Variants in PCDH9 observed in about 807,000 individuals in gnomAD.
PCDH9 encodes the protein protocadherin-9.
In PCDH9, 24 loss-of-function variants were observed where a neutral mutation model predicts 70.6. That is an observed-to-expected ratio of 0.34 (90% CI 0.25 to 0.48). The LOEUF (loss-of-function observed/expected upper bound fraction) is 0.48, where lower values mean the gene tolerates loss of function less well. PCDH9 is among the 20% of genes least tolerant of loss of function. The pLI is 0.99. For missense variants in PCDH9, 1,281 were observed against 1,503.6 expected, an observed-to-expected ratio of 0.85 and a Z score of 2.45; for synonymous variants, 562 against 558.5, an observed-to-expected ratio of 1.01 and a Z score of -0.09.
At chr13:66,339,108 C>G (rs1956084650) in intron 4 of PCDH9, among the ~76,000 whole-genome samples, 1 of 151,904 alleles carries the variant, frequency 6.6e-6, no homozygotes, top group Non-Finnish European at 1.5e-5. Flanking sequence ...CTATATTAGA[C>G]CAGAAGAGAG....
intron 2 of PCDH9, among the ~76,000 whole-genome samples, chr13:67,086,352 C>T (rs532273287): frequency 6.6e-6 from 1 of 152,178 alleles, no homozygotes; most frequent in African/African-American, 2.4e-5. Context: ...TACAGTTACA[C>T]AGCACAAACT....
chr13:67,095,157 T>C (rs1365090543), intron 2 of PCDH9, among the ~76,000 whole-genome samples: 2 of 152,172 alleles, frequency 1.3e-5, no homozygotes. Context: ...GCATTAGTCT[T>C]TGGATTGTGT....
chr13:67,040,166 T>A (rs961991374), intron 2 of PCDH9, among the ~76,000 whole-genome samples: 2 of 152,150 alleles, frequency 1.3e-5, no homozygotes, highest in Non-Finnish European at 2.9e-5. Flanking sequence ...GCCCCTTTAA[T>A]CAGTATTATG....
chr13:66,620,687 C>A (rs1407690421), intron 4 of PCDH9, among the ~76,000 whole-genome samples: 1 of 151,970 alleles, frequency 6.6e-6, no homozygotes, highest in African/African-American at 2.4e-5. Flanking sequence ...CTACAAAAAT[C>A]AGTGTTCCTT....
chr13:67,142,844 C>CAAAAA (rs34886805), intron 2 of PCDH9, among the ~76,000 whole-genome samples: 1 of 134,296 alleles, frequency 7.4e-6, no homozygotes, highest in African/African-American at 2.8e-5. Context: ...ACTAAAAATA[C>CAAAAA]AAAAAAAAAA....
intron 2 of PCDH9, among the ~76,000 whole-genome samples, chr13:67,094,320 CT>C (rs1225053845): frequency 1.3e-5 from 2 of 152,166 alleles, no homozygotes; most frequent in African/African-American, 4.8e-5. Flanking sequence ...CAGCAAAACC[CT>C]TCTTGCTGGT....
chr13:67,063,766 T>C (rs1006804415), intron 2 of PCDH9, among the ~76,000 whole-genome samples: 2 of 152,168 alleles, frequency 1.3e-5, no homozygotes, highest in Non-Finnish European at 2.9e-5. Flanking sequence ...TTTAATAGCT[T>C]ATTTATAGAA....
chr13:66,814,472 G>T (rs1433053824), intron 3 of PCDH9, among the ~76,000 whole-genome samples: 2 of 151,962 alleles, frequency 1.3e-5, no homozygotes, highest in Non-Finnish European at 2.9e-5. Context: ...TATTGTAAAG[G>T]GTTATAATTT....
intron 3 of PCDH9, among the ~76,000 whole-genome samples, chr13:66,657,344 C>T (rs986505933): frequency 1.3e-5 from 2 of 152,110 alleles, no homozygotes; most frequent in Non-Finnish European, 2.9e-5. Flanking sequence ...AACAGGGAGG[C>T]GCCTGGCATC....
chr13:66,681,767 G>T (rs185701661), intron 3 of PCDH9, among the ~76,000 whole-genome samples: 67 of 151,978 alleles, frequency 4.4e-4, no homozygotes, highest in Middle Eastern at 3.4e-3. Flanking sequence ...CATCTCTGCT[G>T]TAACAGTTTG....
At chr13:67,089,761 C>A (rs1199499091) in intron 2 of PCDH9, among the ~76,000 whole-genome samples, 2 of 151,968 alleles carry the variant, frequency 1.3e-5, no homozygotes, top group Non-Finnish European at 2.9e-5. Context: ...CTTACGTTCA[C>A]CTGCATTTCA....
chr13:66,722,598 T>C (rs1213811248), intron 3 of PCDH9, among the ~76,000 whole-genome samples: 1 of 152,134 alleles, frequency 6.6e-6, no homozygotes, highest in African/African-American at 2.4e-5. Flanking sequence ...GAGTGTCTGC[T>C]GATCTTTTGA....
chr13:66,989,271 C>T (rs1292771351), intron 2 of PCDH9, among the ~76,000 whole-genome samples: 1 of 151,828 alleles, frequency 6.6e-6, no homozygotes, highest in Non-Finnish European at 1.5e-5. Flanking sequence ...ATGGTTATCA[C>T]TCATTAAATT....
chr13:67,077,127 C>A (rs2085893183), intron 2 of PCDH9, among the ~76,000 whole-genome samples: 1 of 152,102 alleles, frequency 6.6e-6, no homozygotes, highest in South Asian at 2.1e-4. Flanking sequence ...CAAAAAATGA[C>A]CTTTAATTTT....
At chr13:66,505,108 G>T (rs1959197590) in intron 4 of PCDH9, among the ~76,000 whole-genome samples, 1 of 151,924 alleles carries the variant, frequency 6.6e-6, no homozygotes, top group Non-Finnish European at 1.5e-5. Flanking sequence ...ATTTCTCTAG[G>T]ACACTCTTCC....
intron 3 of PCDH9, among the ~76,000 whole-genome samples, chr13:66,682,897 G>T (rs1327225161): frequency 1.3e-5 from 2 of 152,148 alleles, no homozygotes; most frequent in Admixed American, 6.5e-5. Flanking sequence ...CATCTCAGGT[G>T]CAGGGAAAAC....
In PCDH9 at chr13:67,226,725, A is replaced by C; in HGVS notation, c.1716T>G (p.Phe572Leu). 6.2e-7 allele frequency: 1 copy of C among 1,614,192 alleles called. No homozygotes were observed. The change falls in exon 2 of 5, where the codon TTT (phenylalanine) becomes TTG (leucine). Residue 572 changes from phenylalanine to leucine, a missense_variant. By Grantham distance (22) the Phe-to-Leu change is conservative. Transcript: ENST00000377865. This position sits in a 1 kb window ranked among gnomAD's most constrained non-coding sequence, Gnocchi z 5.0. ...VLDENDNSPK[F>L]THNHFQFFVS... ...CAAAAAATTGAAAATGATTATGAGT[A>C]AACTTGGGGCTATTGTCATTCTCAT...
chr13:66,908,811 C>T (rs1466529492), intron 2 of PCDH9, among the ~76,000 whole-genome samples: 1 of 152,032 alleles, frequency 6.6e-6, no homozygotes, highest in Non-Finnish European at 1.5e-5. Flanking sequence ...CTAAAATGCT[C>T]ATCAAACTTT....
At chr13:66,929,892 AT>A (rs1245071441) in intron 2 of PCDH9, among the ~76,000 whole-genome samples, 1 of 152,166 alleles carries the variant, frequency 6.6e-6, no homozygotes, top group Non-Finnish European at 1.5e-5. Flanking sequence ...TGAAAGAGAT[AT>A]TGAGCTCTTC....
Sources: gnomAD v4.1 joint callset for allele counts (sites outside exome capture counted in the v4.1 genomes callset) on GRCh38, gnomAD v4.1.1 for gene constraint, Gnocchi (gnomAD v3.1) non-coding constraint, MANE v1.5 for transcripts, NCBI Gene and HGNC (gene_info 2026-07-23, HGNC 2026-07-21) for gene names.